Variants in EPB41L3 observed in about 807,000 individuals in gnomAD.
The protein encoded by EPB41L3 is band 4.1-like protein 3.
Under a neutral mutation model 127.1 loss-of-function variants are expected in EPB41L3, and 57 were observed. That is an observed-to-expected ratio of 0.45 (90% confidence interval 0.36 to 0.56). The LOEUF (loss-of-function observed/expected upper bound fraction) is 0.56. Ranked by LOEUF, EPB41L3 falls within the 20% of genes least tolerant of loss-of-function variation. The probability of loss-of-function intolerance (pLI) is 0.00; values close to 1 mark genes in which losing one functional copy is unlikely to be tolerated. For missense variants in EPB41L3, 1,273 were observed against 1,372.2 expected (o/e 0.93, Z 1.14); for synonymous variants, 572 against 549.5 (o/e 1.04, Z -0.57).
intron 1 of EPB41L3, among the ~76,000 whole-genome samples, chr18:5,531,479 T>G (rs2148933346): frequency 6.6e-6 from 1 of 152,146 alleles, no homozygotes; most frequent in Non-Finnish European, 1.5e-5. Flanking sequence ...TCCCAGCATT[T>G]TGGGAGGATG....
At chr18:5,605,151 G>A (rs2094636369) in intron 3 of EPB41L3, among the ~76,000 whole-genome samples, 1 of 152,090 alleles carries the variant, frequency 6.6e-6, no homozygotes, top group Non-Finnish European at 1.5e-5. Flanking sequence ...CCCCACTCCA[G>A]TACTCCCCAG....
intron 2 of EPB41L3, among the ~76,000 whole-genome samples, chr18:5,488,426 C>CT (rs2090138516): frequency 6.6e-6 from 1 of 150,656 alleles, no homozygotes; most frequent in Admixed American, 6.6e-5. Context: ...GACTGGGGGG[C>CT]TAGGGGAGGG....
intron 5 of EPB41L3, among the ~76,000 whole-genome samples, chr18:5,442,162 G>A (rs972608302): frequency 2.0e-5 from 3 of 152,076 alleles, no homozygotes; most frequent in African/African-American, 7.2e-5. Context: ...TATTCAGCAT[G>A]TCTATTTTAG....
At chr18:5,596,237 G>A (rs1293729150) in intron 3 of EPB41L3, among the ~76,000 whole-genome samples, 6 of 152,210 alleles carry the variant, frequency 3.9e-5, no homozygotes, top group Non-Finnish European at 1.5e-5. Context: ...GGGCATGGCA[G>A]AACACTGATT....
chr18:5,423,317 C>G (rs2077712761), intron 11 of EPB41L3, 61 bp downstream of exon 11: 1 of 1,456,008 alleles, frequency 6.9e-7, no homozygotes, highest in Non-Finnish European at 9.2e-7. Context: ...AAGCTCATGA[C>G]AGTTTCACAT....
Position 5,397,106 on chromosome 18 carries a change from A to G in EPB41L3, c.2793T>C (p.Ser931=). ...AASRERQEEQ[S]AAIHISETLE... is the part of the protein sequence containing the mutation. ...AAGTTTCTGAAATGTGGATGGCTGC[A>G]CTCTGCTCCTCTTGTCGCTCACGGG... Residue 931 remains serine (S), a synonymous_variant, in exon 18 of 23, where the codon AGT becomes AGC. Transcript: ENST00000341928. The surrounding 1 kb of genome is among the most constrained non-coding windows in gnomAD (Gnocchi z 4.1). The G allele has an allele frequency of 6.2e-7, 1 of 1,613,804 alleles. No homozygotes were observed. Among genetic ancestry groups the G allele is most frequent in the Non-Finnish European group, 8.5e-7 (1 of 1,179,898 alleles).
At position 5,424,382 on chromosome 18, in the gene EPB41L3, AAGAGT is replaced by A. The variant is rs747510735; in HGVS notation, c.1066-28_1066-24del. 3 of 1,539,206 alleles carry A rather than the reference AAGAGT, an allele frequency of 1.9e-6. No individual in the cohort carries two copies. In the Admixed American group the frequency reaches 6.0e-5, roughly 31 times the overall value. The stretch of plus-strand genomic sequence containing the variant: ...AAACTAAATAAAAAAAAATACATTG[AAGAGT>A]AAAGTTTAAAATTATAAATAACAGA... On this transcript the variant is annotated intron_variant, in intron 9 of 22. Coordinates refer to ENST00000341928, the MANE Select transcript of EPB41L3 (RefSeq NM_012307.5).
intron 1 of EPB41L3, among the ~76,000 whole-genome samples, chr18:5,614,579 T>C (rs900122883): frequency 6.6e-5 from 10 of 152,286 alleles, no homozygotes; most frequent in African/African-American, 1.9e-4. Context: ...AAATCCTCTT[T>C]GTGCTCCCTC....
chr18:5,629,594 G>GCC (rs532497335), upstream of EPB41L3, among the ~76,000 whole-genome samples: 2 of 151,698 alleles, frequency 1.3e-5, no homozygotes, highest in African/African-American at 4.8e-5. Context: ...TTCCCGGAAG[G>GCC]CCCCCCCCTC....
At chr18:5,423,220 TG>T (rs776310033) in intron 11 of EPB41L3, among the ~76,000 whole-genome samples, 157 bp downstream of exon 11, 4 of 152,142 alleles carry the variant, frequency 2.6e-5, no homozygotes, top group Non-Finnish European at 5.9e-5. Flanking sequence ...TTCATTTCGC[TG>T]GGGGAGACTT....
At chr18:5,612,038 A>G (rs1411931808) in intron 3 of EPB41L3, among the ~76,000 whole-genome samples, 1 of 152,168 alleles carries the variant, frequency 6.6e-6, no homozygotes, top group Non-Finnish European at 1.5e-5. Flanking sequence ...GTACACTTAA[A>G]ATAGTTAAGA....
intron 2 of EPB41L3, among the ~76,000 whole-genome samples, chr18:5,483,090 G>GT (rs2088909422): frequency 6.6e-6 from 1 of 152,204 alleles, no homozygotes; most frequent in South Asian, 2.1e-4. Flanking sequence ...ACAGCAACCA[G>GT]TGAAGGGATA....
intron 3 of EPB41L3, among the ~76,000 whole-genome samples, chr18:5,591,758 C>A (rs533535381): frequency 6.6e-6 from 1 of 152,186 alleles, no homozygotes; most frequent in Non-Finnish European, 1.5e-5. Flanking sequence ...AAAGGATAAA[C>A]AAGAAATGTC....
Position 5,395,215 on chromosome 18 carries a change from G to A in EPB41L3, c.3073-68C>T, listed in dbSNP as rs966348627. 9.3e-6 allele frequency: 12 copies of A among 1,295,292 alleles called. No homozygotes were observed. In the African/African-American group the frequency reaches 1.5e-4, roughly 16 times the overall value. 80.2% of individuals were successfully genotyped at this position (1,295,292 alleles called of 1,614,324 possible). ...AGAAACCATCATGGTTCAGTAGGGG[G>A]AAATGGCCGAAGATGCTGACATCAT... is the stretch of plus-strand genomic sequence containing the variant. On this transcript the variant is annotated intron_variant, in intron 20 of 22. Coordinates refer to ENST00000341928, the MANE Select transcript of EPB41L3 (RefSeq NM_012307.5).
chr18:5,450,662 A>C (rs1411567384), intron 3 of EPB41L3, among the ~76,000 whole-genome samples: 1 of 152,240 alleles, frequency 6.6e-6, no homozygotes, highest in African/African-American at 2.4e-5. Flanking sequence ...GTTAACCTCC[A>C]AATGATTTTA....
chr18:5,428,001 G>A (rs185550419), intron 9 of EPB41L3, among the ~76,000 whole-genome samples: 1,619 of 151,666 alleles, frequency 0.011, 25 homozygotes, highest in African/African-American at 0.037. Flanking sequence ...CCCCCACCCC[G>A]CCCCCGGCCT....
intron 3 of EPB41L3, among the ~76,000 whole-genome samples, chr18:5,454,338 G>C (rs112398632): frequency 4.6e-5 from 7 of 152,042 alleles, no homozygotes; most frequent in African/African-American, 1.7e-4. Context: ...GGCTGGAGCT[G>C]GGAAGCCCTA....
chr18:5,630,264 C>CCCT, upstream of EPB41L3: 1 of 443,688 alleles, frequency 2.3e-6, no homozygotes, highest in East Asian at 6.3e-5. Flanking sequence ...TCCTCGCTTT[C>CCCT]TCCCCCATCG....
At chr18:5,569,890 T>G (rs1245935318) in intron 3 of EPB41L3, among the ~76,000 whole-genome samples, 2 of 152,234 alleles carry the variant, frequency 1.3e-5, no homozygotes, top group Non-Finnish European at 2.9e-5. Flanking sequence ...CTTTCAAATG[T>G]GTAGTCAATG....
Sources: allele counts gnomAD v4.1 joint callset (sites outside exome capture counted in the v4.1 genomes callset), GRCh38; gene constraint gnomAD v4.1.1; non-coding constraint Gnocchi (gnomAD v3.1); transcripts MANE v1.5; gene names NCBI Gene and HGNC (gene_info 2026-07-23, HGNC 2026-07-21).